DOCK4: variants seen among roughly 807,000 people sequenced by gnomAD.
The protein encoded by DOCK4 is dedicator of cytokinesis protein 4.
Under a neutral mutation model 268.1 loss-of-function variants are expected in DOCK4, and 97 were observed. The ratio of observed to expected loss-of-function variants is 0.36; its 90% CI spans 0.31 to 0.43. The LOEUF is 0.43. Ranked by LOEUF, DOCK4 falls within the 20% of genes least tolerant of loss-of-function variation. The pLI is 1.00. For synonymous variants in DOCK4, 954 were observed against 887.2 expected (o/e 1.08, Z -1.34); for missense variants, 2,145 against 2,455.7 (o/e 0.87, Z 2.67).
At chr7:111,942,802 G>C (rs1795315377) in intron 10 of DOCK4, among the ~76,000 whole-genome samples, 1 of 152,206 alleles carries the variant, frequency 6.6e-6, no homozygotes, top group South Asian at 2.1e-4. Flanking sequence ...GAACAACAGA[G>C]CAGTAGGGGC....
intron 16 of DOCK4, among the ~76,000 whole-genome samples, chr7:111,882,852 G>A (rs1030708985): frequency 3.9e-5 from 6 of 151,946 alleles, no homozygotes; most frequent in African/African-American, 7.3e-5. Context: ...CAGGTGATCC[G>A]CCTGCCTCAG....
chr7:112,068,378 T>C (rs111251654), intron 1 of DOCK4, among the ~76,000 whole-genome samples: 1 of 152,306 alleles, frequency 6.6e-6, no homozygotes, highest in African/African-American at 2.4e-5. Flanking sequence ...CATAGTACTA[T>C]GATTAAGAGC....
chr7:111,809,027 A>C (rs1586048626), intron 29 of DOCK4, 148 bp from the exon 30 acceptor site: 1 of 909,726 alleles, frequency 1.1e-6, no homozygotes, highest in East Asian at 2.6e-5. Context: ...CGATGCCTCT[A>C]AGTCAAATTC....
chr7:111,846,710 A>T (rs2134091152), intron 24 of DOCK4, among the ~76,000 whole-genome samples: 1 of 152,330 alleles, frequency 6.6e-6, no homozygotes, highest in South Asian at 2.1e-4. Flanking sequence ...CAGTCATCAT[A>T]TCAAGATTAA....
intron 8 of DOCK4, among the ~76,000 whole-genome samples, chr7:111,955,817 T>C (rs996787242): frequency 6.6e-6 from 1 of 152,258 alleles, no homozygotes; most frequent in Non-Finnish European, 1.5e-5. Context: ...TGACTGACTG[T>C]TGATTTAAGA....
At chr7:112,033,873 C>T (rs1803500180) in intron 1 of DOCK4, among the ~76,000 whole-genome samples, 1 of 152,276 alleles carries the variant, frequency 6.6e-6, no homozygotes, top group African/African-American at 2.4e-5. Flanking sequence ...ATTAATGTTT[C>T]CGTGTGAAAT....
At chr7:111,835,632 T>C (rs931094360) in intron 25 of DOCK4, among the ~76,000 whole-genome samples, 5 of 152,296 alleles carry the variant, frequency 3.3e-5, no homozygotes, top group South Asian at 2.1e-4. Context: ...ACAAATACAA[T>C]AGGAGAGGCA....
intron 1 of DOCK4, among the ~76,000 whole-genome samples, chr7:112,116,946 C>A (rs1410667523): frequency 1.3e-5 from 2 of 152,096 alleles, no homozygotes; most frequent in Non-Finnish European, 2.9e-5. Context: ...TGTTCTAATG[C>A]AATTGATTTT....
At chr7:111,811,713 G>A (rs73434286) in intron 28 of DOCK4, among the ~76,000 whole-genome samples, 161 bp downstream of exon 28, 2 of 151,904 alleles carry the variant, frequency 1.3e-5, no homozygotes, top group Non-Finnish European at 2.9e-5. Context: ...CCTTTTAAGC[G>A]CTATGTGAAC....
chr7:111,936,378 C>T (rs1426251992), intron 11 of DOCK4, among the ~76,000 whole-genome samples: 1 of 152,108 alleles, frequency 6.6e-6, no homozygotes, highest in Non-Finnish European at 1.5e-5. Flanking sequence ...TGTAGTTCAC[C>T]TGGGAGACTG....
At position 112,109,333 on chromosome 7, in the gene DOCK4, T is replaced by C. The variant is rs1340965016; in HGVS notation, c.37+96769A>G. 2.0e-5 allele frequency among the ~76,000 whole-genome samples: 3 copies of C among 152,154 alleles called. No individual in the cohort carries two copies. In the East Asian group the frequency reaches 5.8e-4, roughly 29 times the overall value. ...CAAGTGCTAACTACACTTCTCCCTC[T>C]AGTTAGGTTTCCAGAGGACATAGAG... On this transcript the variant is annotated intron_variant, in intron 1 of 52. Transcript: ENST00000428084.
At chr7:112,018,330 T>C (rs1044807822) in intron 1 of DOCK4, among the ~76,000 whole-genome samples, 1 of 152,242 alleles carries the variant, frequency 6.6e-6, no homozygotes, top group Admixed American at 6.5e-5. Context: ...AAAATGCTGC[T>C]TGTTTATCAT....
intron 42 of DOCK4, 55 bp from the exon 43 acceptor site, chr7:111,747,498 G>T: frequency 1.3e-6 from 2 of 1,489,740 alleles, no homozygotes; most frequent in Non-Finnish European, 1.8e-6. Context: ...CAAGAAGAAA[G>T]ACAAAGTAGT....
chr7:111,999,440 C>A (rs532816328), intron 3 of DOCK4, among the ~76,000 whole-genome samples: 1 of 151,888 alleles, frequency 6.6e-6, no homozygotes, highest in Admixed American at 6.6e-5. Context: ...AAAAGTCAGA[C>A]TTGAGGTTTA....
At chr7:112,143,047 T>C (rs946360595) in intron 1 of DOCK4, among the ~76,000 whole-genome samples, 1 of 152,102 alleles carries the variant, frequency 6.6e-6, no homozygotes, top group Non-Finnish European at 1.5e-5. Flanking sequence ...ATTATAATTA[T>C]GTAAAATGCT....
intron 2 of DOCK4, among the ~76,000 whole-genome samples, chr7:112,001,415 A>AC (rs963108331): frequency 6.6e-6 from 1 of 151,914 alleles, no homozygotes; most frequent in Non-Finnish European, 1.5e-5. Flanking sequence ...AGTGCTACCC[A>AC]CCCATTAGTT....
At chr7:112,158,845 T>C (rs950172243) in intron 1 of DOCK4, among the ~76,000 whole-genome samples, 35 of 152,204 alleles carry the variant, frequency 2.3e-4, no homozygotes, top group Admixed American at 6.5e-4. Context: ...TAAAAATCAT[T>C]TGTTTCCATA....
intron 36 of DOCK4, among the ~76,000 whole-genome samples, chr7:111,772,388 G>C (rs1798175684): frequency 6.6e-6 from 1 of 152,072 alleles, no homozygotes; most frequent in Admixed American, 6.6e-5. Context: ...AAAAAGAAAA[G>C]TTCTGTCGGT....
At chr7:112,076,777 T>C (rs1010596157) in intron 1 of DOCK4, among the ~76,000 whole-genome samples, 1 of 152,178 alleles carries the variant, frequency 6.6e-6, no homozygotes, top group African/African-American at 2.4e-5. Context: ...CAATTTGTCA[T>C]ATGTCTTATT....
Sources: allele counts gnomAD v4.1 joint callset (sites outside exome capture counted in the v4.1 genomes callset), GRCh38; gene constraint gnomAD v4.1.1; transcripts MANE v1.5; gene names NCBI Gene and HGNC (gene_info 2026-07-23, HGNC 2026-07-21).